Variants in DCAF1 observed in about 807,000 individuals in gnomAD.
DCAF1 encodes DDB1- and CUL4-associated factor 1.
A neutral mutation model predicts 128.0 loss-of-function variants in DCAF1; 15 were observed. That is an observed-to-expected ratio of 0.12 (90% CI 0.08 to 0.18). The LOEUF is 0.18. Among genes scored for constraint, DCAF1 ranks in the 10% least tolerant of loss-of-function variants. The pLI is 1.00. For synonymous variants in DCAF1, 610 were observed against 603.0 expected (o/e 1.01, Z -0.17); for missense variants, 988 against 1,649.5 (o/e 0.60, Z 6.95).
In DCAF1 at chr3:51,427,262, TTTCAA is replaced by T. The variant is rs1297668386; in HGVS notation, c.1847+105_1847+109del. On this transcript the variant is annotated intron_variant, in intron 13 of 24. Coordinates refer to ENST00000684031, the MANE Select transcript of DCAF1 (RefSeq NM_001387579.1). Reference sequence around the variant, plus strand: ...TAATTTCTCAGATTCAAGTCCAAAATTTCAATTCAATTCAACAAATGTTTGTTAAG... The same window carrying T: ...TAATTTCTCAGATTCAAGTCCAAAATTTCAATTCAACAAATGTTTGTTAAG... The T allele has an allele frequency of 1.6e-5, 9 of 578,234 alleles. No homozygotes were observed. The East Asian group carries it at 2.3e-4, about 15-fold the overall frequency. The allele number at this position is 578,234 out of a possible 1,614,324, so 35.8% of individuals were successfully genotyped here.
chr3:51,491,052 A>C (rs1707578245), intron 2 of DCAF1, among the ~76,000 whole-genome samples: 1 of 151,296 alleles, frequency 6.6e-6, no homozygotes, highest in African/African-American at 2.4e-5. Context: ...AAAAAAAAAA[A>C]AAAAAACAAA....
chr3:51,450,898 C>T (rs11716246), intron 6 of DCAF1, among the ~76,000 whole-genome samples: 38,121 of 151,446 alleles, frequency 0.25, 6,099 homozygotes, highest in Non-Finnish European at 0.35. Context: ...AGTAAGATTA[C>T]CTCTGTTGGC....
At chr3:51,444,663 T>C (rs954111056) in intron 6 of DCAF1, among the ~76,000 whole-genome samples, 1 of 150,498 alleles carries the variant, frequency 6.6e-6, no homozygotes, top group Non-Finnish European at 1.5e-5. Context: ...CCCAAACTTA[T>C]TTTATTGATT....
chr3:51,458,988 C>T (rs1194149386), intron 6 of DCAF1, among the ~76,000 whole-genome samples: 3 of 152,130 alleles, frequency 2.0e-5, no homozygotes, highest in African/African-American at 7.2e-5. Flanking sequence ...GACACCCTAA[C>T]ATCACAATTA....
intron 3 of DCAF1, among the ~76,000 whole-genome samples, chr3:51,483,080 A>G (rs1259100022): frequency 2.7e-5 from 4 of 150,198 alleles, no homozygotes; most frequent in Non-Finnish European, 5.9e-5. Flanking sequence ...CGGAGGTTAC[A>G]GTAAGCTGAG....
chr3:51,409,632 C>G (rs1167593127), intron 23 of DCAF1, among the ~76,000 whole-genome samples: 5 of 152,202 alleles, frequency 3.3e-5, no homozygotes, highest in African/African-American at 9.7e-5. Context: ...GAGGACAAAG[C>G]AGTCGACAGC....
intron 1 of DCAF1, among the ~76,000 whole-genome samples, chr3:51,499,653 G>C (rs1281747712): frequency 1.3e-5 from 2 of 151,742 alleles, no homozygotes; most frequent in African/African-American, 2.4e-5. Flanking sequence ...GAGGAAGAAC[G>C]TGGAGGCCCC....
At position 51,441,885 on chromosome 3, in the gene DCAF1, G is replaced by A; in HGVS notation, c.526C>T (p.Leu176Phe). Reference protein sequence around the residue: ...DENSQLVAIVLRRLRELQLQE... With the variant: ...DENSQLVAIVFRRLRELQLQE... ...AGCTGTAGCTCCCTCAGTCTTCGAA[G>A]CACTATTGCCACCTATCAACAGATA... is the stretch of plus-strand genomic sequence containing the variant. The change falls in exon 8 of 25, where the codon CTT (leucine) becomes TTT (phenylalanine). Residue 176 changes from leucine (L) to phenylalanine (F), a missense_variant. By Grantham distance (22) the Leu-to-Phe change is conservative. Transcript: ENST00000684031. The A allele has an allele frequency of 6.2e-7, 1 of 1,605,050 alleles. No homozygotes were observed. Among genetic ancestry groups the A allele is most frequent in the South Asian group, 1.1e-5 (1 of 90,530 alleles).
intron 2 of DCAF1, among the ~76,000 whole-genome samples, chr3:51,492,919 G>A (rs1403533466): frequency 6.6e-6 from 1 of 151,672 alleles, no homozygotes; most frequent in Non-Finnish European, 1.5e-5. Context: ...GCGTGAACCC[G>A]GGAGGTGGAG....
upstream of DCAF1, among the ~76,000 whole-genome samples, chr3:51,504,041 T>TC (rs1708883149): frequency 6.6e-6 from 1 of 150,414 alleles, no homozygotes; most frequent in Non-Finnish European, 1.5e-5. Context: ...TGAACATTTT[T>TC]TTTTTTTTTT....
chr3:51,505,036 T>C, the DCAF1 span, among the ~76,000 whole-genome samples: 1 of 151,974 alleles, frequency 6.6e-6, no homozygotes, highest in African/African-American at 2.4e-5. Context: ...GCAAGGCAGG[T>C]GGATCACCTG....
chr3:51,500,039 CCG>C (rs1344098421), upstream of DCAF1: 5 of 147,046 alleles, frequency 3.4e-5, no homozygotes, highest in Admixed American at 6.8e-5. Context: ...GCTACGTGCA[CCG>C]CGCGCGCGCG....
intron 24 of DCAF1, among the ~76,000 whole-genome samples, chr3:51,399,212 G>A (rs918571948): frequency 2.6e-5 from 4 of 152,180 alleles, no homozygotes; most frequent in Non-Finnish European, 5.9e-5. Context: ...GTCCTTCAAG[G>A]ATACGCACAG....
At chr3:51,406,342 C>CAAAA (rs782324969) in intron 23 of DCAF1, among the ~76,000 whole-genome samples, 3 of 48,186 alleles carry the variant, frequency 6.2e-5, no homozygotes, top group African/African-American at 8.6e-5. Flanking sequence ...GACTCTGTCT[C>CAAAA]AAAAAAAAAA....
rs1553628614 is a variant in DCAF1, at chr3:51,412,156, A to G, written c.4212+223T>C. On this transcript the variant is annotated intron_variant, in intron 23 of 24. Coordinates refer to ENST00000684031, the MANE Select transcript of DCAF1 (RefSeq NM_001387579.1). ...AAAAAAGCAGAGATTGCTAAGCTTT[A>G]AATTGCTCTGCAAATGGAATTCACG... 4.6e-5 allele frequency among the ~76,000 whole-genome samples: 7 copies of G among 150,918 alleles called. No individual in the cohort carries two copies. In the South Asian group the frequency reaches 1.5e-3, roughly 31 times the overall value.
intron 4 of DCAF1, among the ~76,000 whole-genome samples, chr3:51,467,908 C>G (rs1191288425): frequency 6.6e-6 from 1 of 152,108 alleles, no homozygotes; most frequent in Non-Finnish European, 1.5e-5. Flanking sequence ...GATGGGTGGC[C>G]TGGAGAAGAC....
chr3:51,479,073 T>C (rs183800851), intron 3 of DCAF1, among the ~76,000 whole-genome samples: 1 of 152,302 alleles, frequency 6.6e-6, no homozygotes, highest in African/African-American at 2.4e-5. Context: ...AGAAAACCCA[T>C]GAGCACCCCT....
chr3:51,403,053 G>C (rs2089846782), intron 24 of DCAF1, 90 bp downstream of exon 24: 13 of 1,498,010 alleles, frequency 8.7e-6, no homozygotes, highest in Non-Finnish European at 1.2e-5. Flanking sequence ...CAGAACCGTG[G>C]TATGGCTTGC....
chr3:51,456,306 T>C (rs527607551), intron 6 of DCAF1, among the ~76,000 whole-genome samples: 5 of 152,296 alleles, frequency 3.3e-5, no homozygotes, highest in African/African-American at 9.6e-5. Context: ...GTCTCCCTCA[T>C]TGCTAGCACA....
Sources: gnomAD v4.1 joint callset for allele counts (sites outside exome capture counted in the v4.1 genomes callset) on GRCh38, gnomAD v4.1.1 for gene constraint, MANE v1.5 for transcripts, NCBI Gene and HGNC (gene_info 2026-07-23, HGNC 2026-07-21) for gene names.